Variants in PCDH9 observed in about 807,000 individuals in gnomAD.
The protein encoded by PCDH9 is protocadherin 9, also known as protocadherin-9.
In PCDH9, 24 loss-of-function variants were observed where a neutral mutation model predicts 70.6. The ratio of observed to expected loss-of-function variants is 0.34; its 90% CI spans 0.25 to 0.48. The LOEUF (loss-of-function observed/expected upper bound fraction) is 0.48. Ranked by LOEUF, PCDH9 falls within the 20% of genes least tolerant of loss-of-function variation. The pLI is 0.99. For missense variants in PCDH9, 1,281 were observed against 1,503.6 expected, an observed-to-expected ratio of 0.85 and a Z score of 2.45; for synonymous variants, 562 against 558.5, an observed-to-expected ratio of 1.01 and a Z score of -0.09.
intron 2 of PCDH9, among the ~76,000 whole-genome samples, chr13:66,979,102 A>C (rs1442523900): frequency 6.6e-6 from 1 of 152,098 alleles, no homozygotes; most frequent in Non-Finnish European, 1.5e-5. Context: ...TCGACAAGTT[A>C]TAAGTGTTGA....
chr13:67,017,475 G>A (rs1594396190), intron 2 of PCDH9, among the ~76,000 whole-genome samples: 1 of 152,176 alleles, frequency 6.6e-6, no homozygotes, highest in Non-Finnish European at 1.5e-5. Context: ...ATGGGTACCA[G>A]CAGATGGGCA....
intron 3 of PCDH9, among the ~76,000 whole-genome samples, chr13:66,740,588 C>G (rs940798998): frequency 4.7e-5 from 7 of 148,330 alleles, no homozygotes; most frequent in Admixed American, 1.3e-4. Flanking sequence ...AGTGATAGGC[C>G]GCTAGCAAGA....
intron 4 of PCDH9, among the ~76,000 whole-genome samples, chr13:66,381,121 A>G (rs975935526): frequency 3.3e-5 from 5 of 152,210 alleles, no homozygotes; most frequent in African/African-American, 9.6e-5. Context: ...AGTTAGATGC[A>G]CTTCTCCCTC....
At chr13:66,426,557 G>A (rs1299700556) in intron 4 of PCDH9, among the ~76,000 whole-genome samples, 3 of 150,650 alleles carry the variant, frequency 2.0e-5, no homozygotes, top group African/African-American at 7.3e-5. Flanking sequence ...AAATTCATAT[G>A]TTAAGGTCTT....
At chr13:66,530,841 A>G (rs1485060728) in intron 4 of PCDH9, among the ~76,000 whole-genome samples, 1 of 152,066 alleles carries the variant, frequency 6.6e-6, no homozygotes, top group Non-Finnish European at 1.5e-5. Context: ...AACTGCTGAA[A>G]TATATAACTA....
chr13:67,049,996 A>G (rs1453220709), intron 2 of PCDH9, among the ~76,000 whole-genome samples: 1 of 152,194 alleles, frequency 6.6e-6, no homozygotes, highest in Non-Finnish European at 1.5e-5. Flanking sequence ...ATAGAGAATG[A>G]AAATGTTATC....
chr13:66,553,267 T>C (rs1186980305), intron 4 of PCDH9, among the ~76,000 whole-genome samples: 1 of 152,178 alleles, frequency 6.6e-6, no homozygotes, highest in African/African-American at 2.4e-5. Context: ...TCCTTGTATC[T>C]CCAGCACCTA....
chr13:66,819,576 A>G (rs1380881716), intron 3 of PCDH9, among the ~76,000 whole-genome samples: 2 of 152,060 alleles, frequency 1.3e-5, no homozygotes, highest in African/African-American at 4.8e-5. Context: ...AATTAGGGAG[A>G]GTATCTGTTG....
chr13:67,225,456 C>G lies in PCDH9; in HGVS notation c.2985G>C (p.Glu995Asp). 1 of 1,614,120 alleles carries G rather than the reference C, an allele frequency of 6.2e-7. No individual in the cohort carries two copies. The highest frequency in any genetic ancestry group is 1.1e-5 in the South Asian group (1 of 91,080). ...STSSDHFSAS[E>D]CSSQGGFKTK... ...TCTTGAAGCCTCCTTGGGAACTGCA[C>G]TCTGAGGCACTGAAGTGATCTGAAC... Residue 995 changes from glutamate to aspartate, a missense_variant, in exon 2 of 5, where the codon GAG becomes GAC. Physicochemically the swap from Glu to Asp is conservative, Grantham distance 45 (BLOSUM62 2). Around this residue, in one of 4 missense-constraint regions of PCDH9, gnomAD observed 12 missense variants for 29.9 expected, o/e 0.40. Coordinates refer to ENST00000377865, the MANE Select transcript of PCDH9 (RefSeq NM_203487.3).
intron 2 of PCDH9, among the ~76,000 whole-genome samples, chr13:66,988,246 A>C (rs544460756): frequency 2.0e-5 from 3 of 152,174 alleles, no homozygotes; most frequent in South Asian, 4.1e-4. Context: ...GAGGCCATAG[A>C]AATTTGTTCA....
At chr13:67,089,494 A>T (rs2086174085) in intron 2 of PCDH9, among the ~76,000 whole-genome samples, 1 of 151,978 alleles carries the variant, frequency 6.6e-6, no homozygotes, top group Admixed American at 6.6e-5. Context: ...CATATACCAT[A>T]CCCATATATT....
intron 4 of PCDH9, among the ~76,000 whole-genome samples, chr13:66,480,612 A>G (rs1415752006): frequency 6.6e-6 from 1 of 152,232 alleles, no homozygotes; most frequent in Non-Finnish European, 1.5e-5. Flanking sequence ...ACAATGAGAT[A>G]CCATCTCACA....
chr13:67,114,662 A>G (rs913667034), intron 2 of PCDH9, among the ~76,000 whole-genome samples: 2 of 152,228 alleles, frequency 1.3e-5, no homozygotes, highest in Non-Finnish European at 2.9e-5. Flanking sequence ...GGAGTTTTAC[A>G]TCCACTCCAG....
chr13:66,657,047 C>T (rs2077940697), intron 3 of PCDH9, among the ~76,000 whole-genome samples: 1 of 152,130 alleles, frequency 6.6e-6, no homozygotes, highest in African/African-American at 2.4e-5. Context: ...AAGCCTATGT[C>T]CATTTTAATT....
chr13:66,966,290 G>GT (rs1388886296), intron 2 of PCDH9, among the ~76,000 whole-genome samples: 3 of 152,004 alleles, frequency 2.0e-5, no homozygotes, highest in Non-Finnish European at 4.4e-5. Flanking sequence ...GTTGTTTCAA[G>GT]TATCAAATGA....
rs756585168 is a variant in PCDH9 at position 66,617,146 on chromosome 13, A to G, written c.3340+14064T>C. The stretch of plus-strand genomic sequence containing the variant: ...GAAGGAGATATAGGTGAGAGCAGAT[A>G]ATTCTGTTCCTTTTCTCTAGGCGCC... On this transcript the variant is annotated intron_variant, in intron 4 of 4. Transcript: ENST00000377865. Among the ~76,000 whole-genome samples, 13 of 152,288 alleles carry G rather than the reference A, an allele frequency of 8.5e-5. 1 individual carries two copies. Among genetic ancestry groups the G allele is most frequent in the Admixed American group, 1.3e-4 (2 of 15,292 alleles).
chr13:67,180,432 G>A lies in PCDH9; in HGVS notation c.3036+44973C>T, dbSNP rs1366216511. On this transcript the variant is annotated intron_variant, in intron 2 of 4. Transcript: ENST00000377865. ...CAGTGAAGCTCACTGTTGGGCTCCT[G>A]TATGGCTCACTGAAAGACATGGTTC... Among the ~76,000 whole-genome samples the A allele has an allele frequency of 3.3e-5, 5 of 152,154 alleles. No individual in the cohort carries two copies. The South Asian group carries it at 8.3e-4, about 25-fold the overall frequency.
intron 3 of PCDH9, among the ~76,000 whole-genome samples, chr13:66,844,342 T>G (rs1412325722): frequency 6.6e-6 from 1 of 152,154 alleles, no homozygotes; most frequent in Non-Finnish European, 1.5e-5. Flanking sequence ...ATCTCAGCAC[T>G]TTGGGAAGCC....
chr13:66,701,858 CACTT>C (rs2078652083), intron 3 of PCDH9, among the ~76,000 whole-genome samples: 1 of 152,146 alleles, frequency 6.6e-6, no homozygotes, highest in African/African-American at 2.4e-5. Flanking sequence ...ACATTATTCT[CACTT>C]AATCCTGGTA....
Sources: gnomAD v4.1 joint callset for allele counts (sites outside exome capture counted in the v4.1 genomes callset) on GRCh38, gnomAD v4.1.1 for gene constraint, gnomAD v4.1.1 regional missense constraint, MANE v1.5 for transcripts, NCBI Gene and HGNC (gene_info 2026-07-23, HGNC 2026-07-21) for gene names.